SLC30A3: variants seen among roughly 807,000 people sequenced by gnomAD.
SLC30A3 encodes solute carrier family 30 member 3, also known as probable proton-coupled zinc antiporter SLC30A3.
Under a neutral mutation model 35.6 loss-of-function variants are expected in SLC30A3, and 20 were observed. The ratio of observed to expected loss-of-function variants is 0.56; its 90% confidence interval spans 0.39 to 0.82. The LOEUF (loss-of-function observed/expected upper bound fraction) is 0.82, where lower values mean the gene tolerates loss of function less well. Among genes scored for constraint, SLC30A3 ranks in the 40% least tolerant of loss-of-function variants. SLC30A3 has a pLI of 0.00. For missense variants in SLC30A3, 401 were observed against 530.6 expected (o/e 0.76, Z 2.40); for synonymous variants, 217 against 224.7 (o/e 0.97, Z 0.31).
At chr2:27,260,480 T>C (rs1489879940) in intron 1 of SLC30A3, among the ~76,000 whole-genome samples, 1 of 152,150 alleles carries the variant, frequency 6.6e-6, no homozygotes, top group Non-Finnish European at 1.5e-5. Context: ...GCTAAGTCCA[T>C]TCTGGTCCAA....
chr2:27,266,732 C>T (rs959259024), upstream of SLC30A3, among the ~76,000 whole-genome samples: 1 of 152,096 alleles, frequency 6.6e-6, no homozygotes. Flanking sequence ...CCCATCTCTA[C>T]TAAAAAATAC....
chr2:27,262,660 T>G lies in SLC30A3; in HGVS notation c.95+152A>C, dbSNP rs938496062. ...GCTGTGTAGGGCTGGGCGCTCCGTGTGGCCAGAGGGGATGAAGCGGGGTGC... is the reference window on the plus strand; with the variant it reads ...GCTGTGTAGGGCTGGGCGCTCCGTGGGGCCAGAGGGGATGAAGCGGGGTGC... On this transcript the variant is annotated intron_variant, in intron 1 of 7. Coordinates refer to ENST00000233535, the MANE Select transcript of SLC30A3 (RefSeq NM_003459.5). The surrounding 1 kb of genome is among the most constrained non-coding windows in gnomAD (Gnocchi z 7.5). 83 of 706,560 alleles carry G rather than the reference T, an allele frequency of 1.2e-4. No homozygotes were observed. In the African/African-American group the frequency reaches 1.5e-3, roughly 13 times the overall value. The allele number at this position is 706,560 out of a possible 1,614,324, so 43.8% of individuals were successfully genotyped here. A position where few individuals can be genotyped will look rare whatever the true frequency, so the allele number is the denominator to read the frequency against.
At chr2:27,259,888 T>C (rs1677089737) in intron 1 of SLC30A3, among the ~76,000 whole-genome samples, 1 of 152,138 alleles carries the variant, frequency 6.6e-6, no homozygotes, top group Non-Finnish European at 1.5e-5. Context: ...TTAGGGCAGT[T>C]AGAGTGCTAT....
In SLC30A3 at chr2:27,257,997, G is replaced by A. The variant is rs746723334; in HGVS notation, c.486C>T (p.Tyr162=). The A allele has an allele frequency of 1.2e-6, 2 of 1,614,202 alleles. No homozygotes were observed. The highest frequency in any genetic ancestry group is 2.2e-5 in the South Asian group (2 of 91,090). Residue 162 remains tyrosine (Y), a synonymous_variant, in exon 4 of 8, where the codon TAC becomes TAT. Coordinates refer to ENST00000233535, the MANE Select transcript of SLC30A3 (RefSeq NM_003459.5). The surrounding 1 kb of genome is among the most constrained non-coding windows in gnomAD (Gnocchi z 4.7). Reference sequence around the variant, plus strand: ...TGTGCAGCAGGCGGACGAAGGCCAGGTACAGGAGGATGCCAGTGACCATCC... The same window carrying A: ...TGTGCAGCAGGCGGACGAAGGCCAGATACAGGAGGATGCCAGTGACCATCC... ...SLWMVTGILL[Y]LAFVRLLHSD... is the part of the protein sequence containing the mutation.
chr2:27,256,258 G>C lies in SLC30A3; in HGVS notation c.1018+128C>G, dbSNP rs2148117508. On this transcript the variant is annotated intron_variant, in intron 7 of 7. Coordinates refer to ENST00000233535, the MANE Select transcript of SLC30A3 (RefSeq NM_003459.5). ...TGTGTGTGTATGTGTCTATGTGAGAGAGAGAGACACAGAGAAACAGAGACA... is the reference window on the plus strand; with the variant it reads ...TGTGTGTGTATGTGTCTATGTGAGACAGAGAGACACAGAGAAACAGAGACA... The C allele has an allele frequency of 3.7e-6, 4 of 1,081,316 alleles. No individual in the cohort carries two copies. In the East Asian group the frequency reaches 1.0e-4, roughly 27 times the overall value. 67.0% of individuals were successfully genotyped at this position (1,081,316 alleles called of 1,614,324 possible). A position where few individuals can be genotyped will look rare whatever the true frequency, so the allele number is the denominator to read the frequency against.
chr2:27,273,300 C>A (rs1416970322), intron 1 of SLC30A3, among the ~76,000 whole-genome samples: 1 of 152,002 alleles, frequency 6.6e-6, no homozygotes, highest in Non-Finnish European at 1.5e-5. Context: ...AAATAACTAA[C>A]AGGAAAGAGG....
Position 27,255,099 on chromosome 2 carries a change from T to C in SLC30A3, c.*213A>G. The C allele has an allele frequency of 6.6e-7, 1 of 1,518,088 alleles. No homozygotes were observed. Among genetic ancestry groups the C allele is most frequent in the African/African-American group, 1.4e-5 (1 of 72,940 alleles). The allele number at this position is 1,518,088 out of a possible 1,614,324, so 94.0% of individuals were successfully genotyped here. A position where few individuals can be genotyped will look rare whatever the true frequency, so the allele number is the denominator to read the frequency against. On this transcript the variant is annotated 3_prime_UTR_variant, in exon 8 of 8. Coordinates refer to ENST00000233535, the MANE Select transcript of SLC30A3 (RefSeq NM_003459.5). This position sits in a 1 kb window ranked among gnomAD's most constrained non-coding sequence, Gnocchi z 5.2. Reference sequence around the variant, plus strand: ...CCCGCCCCTGAACTAGTCACATCTATTCCCCTGACTCCCACCCCACTCCCC... The same window carrying C: ...CCCGCCCCTGAACTAGTCACATCTACTCCCCTGACTCCCACCCCACTCCCC...
At chr2:27,263,491 TG>T, upstream of SLC30A3, 1 of 314,800 alleles carries the variant, frequency 3.2e-6, no homozygotes, top group East Asian at 9.3e-5. Flanking sequence ...GAACATGAGG[TG>T]AGCGGTGACA....
Position 27,255,076 on chromosome 2 carries a change from C to A in SLC30A3, c.*236G>T. ...TGCCACACTGAGGCCTGGGAGTCCCCGCCCCTGAACTAGTCACATCTATTC... is the reference window on the plus strand; with the variant it reads ...TGCCACACTGAGGCCTGGGAGTCCCAGCCCCTGAACTAGTCACATCTATTC... On this transcript the variant is annotated 3_prime_UTR_variant, in exon 8 of 8. Transcript: ENST00000233535. This position sits in a 1 kb window ranked among gnomAD's most constrained non-coding sequence, Gnocchi z 5.2. 6.8e-7 allele frequency: 1 copy of A among 1,468,182 alleles called. No homozygotes were observed. The highest frequency in any genetic ancestry group is 1.3e-5 in the South Asian group (1 of 76,116). The allele number at this position is 1,468,182 out of a possible 1,614,324, so 90.9% of individuals were successfully genotyped here. A position where few individuals can be genotyped will look rare whatever the true frequency, so the allele number is the denominator to read the frequency against.
rs1416417975 is a variant in SLC30A3, at chr2:27,262,643, G to A, written c.95+169C>T. On this transcript the variant is annotated intron_variant, in intron 1 of 7. Transcript: ENST00000233535. This position sits in a 1 kb window ranked among gnomAD's most constrained non-coding sequence, Gnocchi z 7.5. ...GGGAGGAGGCGTAGCCGGCTGTGTAGGGCTGGGCGCTCCGTGTGGCCAGAG... is the reference window on the plus strand; with the variant it reads ...GGGAGGAGGCGTAGCCGGCTGTGTAAGGCTGGGCGCTCCGTGTGGCCAGAG... Among the ~76,000 whole-genome samples the A allele has an allele frequency of 1.3e-5, 2 of 152,166 alleles. 1 individual carries two copies. Among genetic ancestry groups the A allele is most frequent in the Non-Finnish European group, 2.9e-5 (2 of 68,004 alleles).
intron 1 of SLC30A3, among the ~76,000 whole-genome samples, chr2:27,273,871 C>T (rs1343593097): frequency 1.3e-5 from 2 of 151,704 alleles, no homozygotes; most frequent in African/African-American, 2.4e-5. Flanking sequence ...TCTGTCCTCC[C>T]ATGAGTCATG....
Position 27,255,109 on chromosome 2 carries a change from T to A in SLC30A3, c.*203A>T. On this transcript the variant is annotated 3_prime_UTR_variant, in exon 8 of 8. Coordinates refer to ENST00000233535, the MANE Select transcript of SLC30A3 (RefSeq NM_003459.5). This position sits in a 1 kb window ranked among gnomAD's most constrained non-coding sequence, Gnocchi z 5.2. ...AACTAGTCACATCTATTCCCCTGAC[T>A]CCCACCCCACTCCCCGCCACACTTT... 6.5e-7 allele frequency: 1 copy of A among 1,527,764 alleles called. No homozygotes were observed. The highest frequency in any genetic ancestry group is 1.2e-5 in the South Asian group (1 of 82,978). 94.6% of individuals were successfully genotyped at this position (1,527,764 alleles called of 1,614,324 possible).
At chr2:27,269,148 G>A (rs1677619478) in intron 1 of SLC30A3, among the ~76,000 whole-genome samples, 1 of 151,804 alleles carries the variant, frequency 6.6e-6, no homozygotes, top group Admixed American at 6.6e-5. Context: ...AAATAGTCTG[G>A]GGGCAAATGA....
At chr2:27,270,875 G>A (rs1159202328) in intron 1 of SLC30A3, among the ~76,000 whole-genome samples, 3 of 152,072 alleles carry the variant, frequency 2.0e-5, no homozygotes, top group Non-Finnish European at 4.4e-5. Flanking sequence ...TTCTGCTGGG[G>A]GAGGGGAAAG....
Position 27,258,323 on chromosome 2 carries a change from G to C in SLC30A3, c.278-16C>G, listed in dbSNP as rs368571688. 6.6e-7 allele frequency: 1 copy of C among 1,512,784 alleles called. No individual in the cohort carries two copies. Among genetic ancestry groups the C allele is most frequent in the Non-Finnish European group, 8.9e-7 (1 of 1,129,564 alleles). The allele number at this position is 1,512,784 out of a possible 1,614,324, so 93.7% of individuals were successfully genotyped here. On this transcript the variant is annotated splice_polypyrimidine_tract_variant and intron_variant, in intron 2 of 7. Coordinates refer to ENST00000233535, the MANE Select transcript of SLC30A3 (RefSeq NM_003459.5). The surrounding 1 kb of genome is among the most constrained non-coding windows in gnomAD (Gnocchi z 4.0). ...AGATACCCGCCTGCCAGGGTGAAATGATGGAGTCTGCTTCCATTTAGAAAA... is the reference window on the plus strand; with the variant it reads ...AGATACCCGCCTGCCAGGGTGAAATCATGGAGTCTGCTTCCATTTAGAAAA...
chr2:27,270,503 C>T (rs993321583), intron 1 of SLC30A3, among the ~76,000 whole-genome samples: 4 of 151,766 alleles, frequency 2.6e-5, no homozygotes, highest in East Asian at 1.9e-4. Flanking sequence ...TTCTTCCCAG[C>T]GACAAAATGA....
At chr2:27,261,385 T>G in intron 1 of SLC30A3, among the ~76,000 whole-genome samples, 1 of 151,940 alleles carries the variant, frequency 6.6e-6, no homozygotes, top group East Asian at 1.9e-4. Context: ...TTTCAGAAAA[T>G]GCTGCAGGAT....
At position 27,257,496 on chromosome 2, in the gene SLC30A3, G is replaced by C. The variant is rs1270451469; in HGVS notation, c.579-144C>G. ...GCAAGAGAGATAAACAATGCAGCCT[G>C]GGGGAAAGAATACCAGACTTGGTGC... On this transcript the variant is annotated intron_variant, in intron 4 of 7. Transcript: ENST00000233535. This position sits in a 1 kb window ranked among gnomAD's most constrained non-coding sequence, Gnocchi z 4.7. The C allele has an allele frequency of 1.3e-6, 1 of 776,438 alleles. No individual in the cohort carries two copies. Among genetic ancestry groups the C allele is most frequent in the African/African-American group, 1.8e-5 (1 of 56,632 alleles). 48.1% of individuals were successfully genotyped at this position (776,438 alleles called of 1,614,324 possible). A position where few individuals can be genotyped will look rare whatever the true frequency, so the allele number is the denominator to read the frequency against.
chr2:27,257,665 T>A lies in SLC30A3; in HGVS notation c.578+240A>T. 1 of 600,888 alleles carries A rather than the reference T, an allele frequency of 1.7e-6. No individual in the cohort carries two copies. The highest frequency in any genetic ancestry group is 2.0e-5 in the South Asian group (1 of 49,216). The allele number at this position is 600,888 out of a possible 1,614,324, so 37.2% of individuals were successfully genotyped here. ...GGGTGGCTGTGAGGTTTAAATGCAA[T>A]CATGTTGATGAAAGCCCTCATCAGA... On this transcript the variant is annotated intron_variant, in intron 4 of 7. Transcript: ENST00000233535. This position sits in a 1 kb window ranked among gnomAD's most constrained non-coding sequence, Gnocchi z 4.7.
Sources: allele counts gnomAD v4.1 joint callset (sites outside exome capture counted in the v4.1 genomes callset), GRCh38; gene constraint gnomAD v4.1.1; non-coding constraint Gnocchi (gnomAD v3.1); transcripts MANE v1.5; gene names NCBI Gene and HGNC (gene_info 2026-07-23, HGNC 2026-07-21).